Variants in PRDM2 observed in about 807,000 individuals in gnomAD.
PRDM2 encodes the protein PR/SET domain 2.
In PRDM2, 30 loss-of-function variants were observed where a neutral mutation model predicts 130.0. The ratio of observed to expected loss-of-function variants is 0.23; its 90% CI spans 0.17 to 0.31. PRDM2 has a LOEUF of 0.31. PRDM2 is among the 10% of genes least tolerant of loss of function. The probability of loss-of-function intolerance (pLI) is 1.00; values close to 1 mark genes in which losing one functional copy is unlikely to be tolerated. For synonymous variants in PRDM2, 871 were observed against 782.4 expected, an observed-to-expected ratio of 1.11 and a Z score of -1.89; for missense variants, 2,011 against 2,108.4, an observed-to-expected ratio of 0.95 and a Z score of 0.90.
Position 13,778,549 on chromosome 1 carries a change from C to G in PRDM2, c.754C>G (p.Pro252Ala), listed in dbSNP as rs534954594. ...CCCTGCCTGGGAGCCACAGCCAGAA[C>G]CAGACGAGCGATTAGAAGCGGCAGC... ...PAPAWEPQPEPDERLEAAACE... is the reference protein window; with the variant it reads ...PAPAWEPQPEADERLEAAACE... The change falls in exon 8 of 10, where the codon CCA becomes GCA. Residue 252 changes from proline to alanine, a missense_variant. Coordinates refer to ENST00000311066, the MANE Select transcript of PRDM2 (RefSeq NM_001393986.1). 1.2e-6 allele frequency: 2 copies of G among 1,614,040 alleles called. No homozygotes were observed. The highest frequency in any genetic ancestry group is 1.7e-6 in the Non-Finnish European group (2 of 1,180,032).
intron 2 of PRDM2, among the ~76,000 whole-genome samples, chr1:13,728,257 T>C (rs1268678975): frequency 3.3e-5 from 5 of 152,208 alleles, no homozygotes; most frequent in African/African-American, 1.2e-4. Context: ...CTGAATAAGA[T>C]AGACACCATC....
At chr1:13,731,170 GT>G in intron 3 of PRDM2, 53 bp downstream of exon 3, 1 of 1,441,524 alleles carries the variant, frequency 6.9e-7, no homozygotes, top group Non-Finnish European at 9.7e-7. Context: ...GCAGGTGGCA[GT>G]GAGGCTTCCT....
At position 13,823,211 on chromosome 1, in the gene PRDM2, G is replaced by T; in HGVS notation, c.*76G>T. ...GCCAAAGGGACTGGCAGTCTGCCCT[G>T]CAGGGAGTACCGACCTATCCCAGTT... On this transcript the variant is annotated 3_prime_UTR_variant, in exon 10 of 10. Transcript: ENST00000311066. 3 of 1,612,180 alleles carry T rather than the reference G, an allele frequency of 1.9e-6. No individual in the cohort carries two copies. The highest frequency in any genetic ancestry group is 2.5e-6 in the Non-Finnish European group (3 of 1,178,388).
chr1:13,782,308 A>G lies in PRDM2; in HGVS notation c.4513A>G (p.Ser1505Gly). 1.2e-6 allele frequency: 2 copies of G among 1,614,076 alleles called. No homozygotes were observed. Among genetic ancestry groups the G allele is most frequent in the Non-Finnish European group, 1.7e-6 (2 of 1,180,014 alleles). ...AGGTGGACACTCATCACCTGCAAGT[A>G]GTGACAAAAACAGTAACAGCAACCA... ...KKGGHSSPAS[S>G]DKNSNSNHRR... is the part of the protein sequence containing the mutation. Residue 1505 changes from serine to glycine, a missense_variant, in exon 8 of 10, where the codon AGT becomes GGT. Ser to Gly is a moderately conservative substitution (Grantham distance 56). Coordinates refer to ENST00000311066, the MANE Select transcript of PRDM2 (RefSeq NM_001393986.1).
At chr1:13,801,739 T>TA (rs879431769) in intron 8 of PRDM2, among the ~76,000 whole-genome samples, 6 of 152,224 alleles carry the variant, frequency 3.9e-5, no homozygotes, top group Non-Finnish European at 8.8e-5. Context: ...TGAGGACAAA[T>TA]ACAGCGTCTG....
chr1:13,726,457 G>A (rs1002164374), intron 2 of PRDM2, among the ~76,000 whole-genome samples: 14 of 152,126 alleles, frequency 9.2e-5, no homozygotes, highest in African/African-American at 3.4e-4. Context: ...CTAGCCAGTG[G>A]GCTTCATGAG....
At chr1:13,756,486 C>T (rs1002651709) in intron 6 of PRDM2, among the ~76,000 whole-genome samples, 2 of 152,094 alleles carry the variant, frequency 1.3e-5, no homozygotes, top group African/African-American at 4.8e-5. Context: ...CCATCTGGCT[C>T]AGAGTGTTTT....
Position 13,749,417 on chromosome 1 carries a change from G to A in PRDM2, c.441G>A (p.Glu147=). The A allele has an allele frequency of 6.6e-7, 1 of 1,509,538 alleles. No individual in the cohort carries two copies. The highest frequency in any genetic ancestry group is 1.9e-4 in the Middle Eastern group (1 of 5,150). 93.5% of individuals were successfully genotyped at this position (1,509,538 alleles called of 1,614,324 possible). ...GGTACAATGGGGAAGACAACCCTGAGATAGCAGCTGCGATTGAGGAAGAGC... is the reference window on the plus strand; with the variant it reads ...GGTACAATGGGGAAGACAACCCTGAAATAGCAGCTGCGATTGAGGAAGAGC... ...LVWYNGEDNP[E]IAAAIEEERA... The change falls in exon 6 of 10, where the codon GAG becomes GAA. Residue 147 remains glutamate (E), a synonymous_variant. Transcript: ENST00000311066.
At chr1:13,816,661 A>G in intron 9 of PRDM2, 91 bp downstream of exon 9, 1 of 1,484,420 alleles carries the variant, frequency 6.7e-7, no homozygotes, top group East Asian at 2.3e-5. Context: ...AAGGAGAGAA[A>G]GCAGTGGGTG....
intron 6 of PRDM2, among the ~76,000 whole-genome samples, chr1:13,751,390 A>G (rs1643833863): frequency 6.6e-6 from 1 of 152,160 alleles, no homozygotes; most frequent in South Asian, 2.1e-4. Context: ...TTAACAGCTT[A>G]CTGGTTAAAG....
At chr1:13,702,132 G>A (rs1355060759) in intron 1 of PRDM2, among the ~76,000 whole-genome samples, 1 of 152,100 alleles carries the variant, frequency 6.6e-6, no homozygotes, top group African/African-American at 2.4e-5. Context: ...GTCTCTCTTG[G>A]TGTGGATATG....
intron 6 of PRDM2, among the ~76,000 whole-genome samples, chr1:13,756,790 T>TA (rs1045027169): frequency 8.5e-5 from 13 of 152,252 alleles, no homozygotes; most frequent in South Asian, 6.2e-4. Context: ...TGACAGCAGT[T>TA]ACACTCGTTT....
intron 2 of PRDM2, chr1:13,717,558 A>G: frequency 2.1e-6 from 1 of 481,622 alleles, no homozygotes; most frequent in Non-Finnish European, 2.7e-6. Context: ...ACAGTATTAG[A>G]CTTGTAATAT....
At chr1:13,742,190 A>C in intron 5 of PRDM2, 33 bp downstream of exon 5, 1 of 1,594,054 alleles carries the variant, frequency 6.3e-7, no homozygotes, top group African/African-American at 1.3e-5. Flanking sequence ...ACTGTTAGTT[A>C]CGCTGCTTGT....
In PRDM2 at chr1:13,823,323, G is replaced by A. The variant is rs146501190; in HGVS notation, c.*188G>A. The A allele has an allele frequency of 7.6e-6, 8 of 1,051,210 alleles. No individual in the cohort carries two copies. The highest frequency in any genetic ancestry group is 2.1e-5 in the Admixed American group (1 of 48,102). 65.1% of individuals were successfully genotyped at this position (1,051,210 alleles called of 1,614,324 possible). On this transcript the variant is annotated 3_prime_UTR_variant, in exon 10 of 10. Transcript: ENST00000311066. ...TTCACGTGTTCTCGTGCGGGCGCGT[G>A]AGTGGTCTTCAAACGAGGGTCCCGA...
chr1:13,708,103 T>C (rs1176278678), intron 1 of PRDM2, among the ~76,000 whole-genome samples: 2 of 152,096 alleles, frequency 1.3e-5, no homozygotes, highest in Admixed American at 1.3e-4. Flanking sequence ...AATCAGCAAC[T>C]GCCATACGTT....
At chr1:13,777,430 CAA>C (rs547628825) in intron 7 of PRDM2, among the ~76,000 whole-genome samples, 252 of 151,516 alleles carry the variant, frequency 1.7e-3, no homozygotes, top group Non-Finnish European at 3.0e-3. Flanking sequence ...TGTTTTCACT[CAA>C]GAGTAAAAGC....
chr1:13,793,231 G>GC (rs1045102964), intron 8 of PRDM2, among the ~76,000 whole-genome samples: 1 of 152,214 alleles, frequency 6.6e-6, no homozygotes, highest in Admixed American at 6.5e-5. Context: ...GGAGCTCTGT[G>GC]CCCCCCACCT....
chr1:13,746,526 GTTTT>G (rs1173846807), intron 5 of PRDM2, among the ~76,000 whole-genome samples: 2 of 143,866 alleles, frequency 1.4e-5, no homozygotes, highest in Non-Finnish European at 1.5e-5. Flanking sequence ...TCTACTACTT[GTTTT>G]TATTTATTTA....
Sources: allele counts gnomAD v4.1 joint callset (sites outside exome capture counted in the v4.1 genomes callset), GRCh38; gene constraint gnomAD v4.1.1; transcripts MANE v1.5; gene names NCBI Gene and HGNC (gene_info 2026-07-23, HGNC 2026-07-21).